The following SYNE2 variants were observed in gnomAD, a reference collection of about 807,000 sequenced individuals.
SYNE2 encodes nesprin-2.
SYNE2 carries 431 observed loss-of-function variants against 856.3 expected under a neutral mutation model. That is an observed-to-expected ratio of 0.50 (90% CI 0.47 to 0.55). The LOEUF (loss-of-function observed/expected upper bound fraction) is 0.55, where lower values mean the gene tolerates loss of function less well. Among genes scored for constraint, SYNE2 ranks in the 20% least tolerant of loss-of-function variants. SYNE2 has a pLI of 0.00. For missense variants in SYNE2, 8,129 were observed against 8,023.2 expected (o/e 1.01, Z -0.50); for synonymous variants, 2,923 against 2,872.3 (o/e 1.02, Z -0.56).
At chr14:64,214,046 A>C in intron 105 of SYNE2, 148 bp from the exon 106 acceptor site, 1 of 1,184,502 alleles carries the variant, frequency 8.4e-7, no homozygotes, top group Non-Finnish European at 1.2e-6. Flanking sequence ...CAGAAACAGG[A>C]CCTGGGAACC....
At chr14:63,838,096 A>G (rs1416921799) in intron 1 of SYNE2, among the ~76,000 whole-genome samples, 1 of 151,454 alleles carries the variant, frequency 6.6e-6, no homozygotes, top group African/African-American at 2.4e-5. Flanking sequence ...AGGGCTGGGC[A>G]CAGTGGCTGA....
rs182777207 is a variant in SYNE2 at position 64,017,283 on chromosome 14, C to T, written c.4888-312C>T. On this transcript the variant is annotated intron_variant, in intron 33 of 115. Coordinates refer to ENST00000555002, the MANE Select transcript of SYNE2 (RefSeq NM_182914.3). ...GGCGGAGCTTGCAGTGAGCCGAGTT[C>T]GCACCACTGCACTCCAGCCTGGGCG... Among the ~76,000 whole-genome samples, 824 of 130,156 alleles carry T rather than the reference C, an allele frequency of 6.3e-3. 12 individuals are homozygous for T. The highest frequency in any genetic ancestry group is 0.023 in the African/African-American group (802 of 34,772). 85.4% of individuals were successfully genotyped at this position (130,156 alleles called of 152,430 possible).
intron 1 of SYNE2, among the ~76,000 whole-genome samples, chr14:63,834,228 G>A (rs1212708771): frequency 1.3e-5 from 2 of 151,818 alleles, no homozygotes; most frequent in South Asian, 2.1e-4. Flanking sequence ...CCAGGTGTGG[G>A]GGCACATACC....
chr14:63,774,749 T>G (rs898449211), intron 1 of SYNE2, among the ~76,000 whole-genome samples: 1 of 151,916 alleles, frequency 6.6e-6, no homozygotes, highest in Non-Finnish European at 1.5e-5. Context: ...AGGTAGAATT[T>G]AAATTATTGT....
chr14:64,076,479 G>A (rs1253851783), intron 54 of SYNE2, among the ~76,000 whole-genome samples: 1 of 151,984 alleles, frequency 6.6e-6, no homozygotes, highest in African/African-American at 2.4e-5. Context: ...TTACAACTAA[G>A]GCAATAAGAA....
At chr14:64,048,256 T>G in intron 46 of SYNE2, 101 bp downstream of exon 46, 1 of 1,164,202 alleles carries the variant, frequency 8.6e-7, no homozygotes, top group Non-Finnish European at 1.2e-6. Context: ...GAGTGAAAAG[T>G]CTTATTTAAC....
intron 18 of SYNE2, among the ~76,000 whole-genome samples, chr14:63,985,217 C>T (rs1286150638): frequency 6.6e-6 from 1 of 151,232 alleles, no homozygotes; most frequent in East Asian, 2.0e-4. Flanking sequence ...GTAATCCCAG[C>T]TTCTTGGGAG....
chr14:64,085,218 G>A (rs987638010), intron 57 of SYNE2, among the ~76,000 whole-genome samples: 5 of 152,142 alleles, frequency 3.3e-5, no homozygotes, highest in South Asian at 2.1e-4. Flanking sequence ...GACTACAGGC[G>A]CACACAACCA....
intron 57 of SYNE2, among the ~76,000 whole-genome samples, chr14:64,082,695 C>T (rs2097533686): frequency 6.6e-6 from 1 of 152,174 alleles, no homozygotes; most frequent in Admixed American, 6.5e-5. Context: ...CTCAGCTATG[C>T]CTGGACTCCT....
chr14:63,892,729 C>CTTTTTTTTTT, intron 1 of SYNE2, among the ~76,000 whole-genome samples: 1 of 130,248 alleles, frequency 7.7e-6, no homozygotes, highest in Non-Finnish European at 1.6e-5. Context: ...GGTGTACTTT[C>CTTTTTTTTTT]TTTTTTTTTT....
chr14:63,792,678 T>C (rs1887777907), intron 1 of SYNE2, among the ~76,000 whole-genome samples: 1 of 148,458 alleles, frequency 6.7e-6, no homozygotes, highest in African/African-American at 2.4e-5. Context: ...TGTTTGTTTG[T>C]TTTTTAGAGA....
At position 63,880,480 on chromosome 14, in the gene SYNE2, T is replaced by A. The variant is rs554515891; in HGVS notation, c.-52+27337T>A. Among the ~76,000 whole-genome samples, 124 of 151,844 alleles carry A rather than the reference T, an allele frequency of 8.2e-4. 1 individual carries two copies. The highest frequency in any genetic ancestry group is 1.5e-3 in the Non-Finnish European group (101 of 67,840). ...AATGCTGTAAGACTTTGAATAAGAATTCTATGTTAAGAAAAAAAGAATTCT... is the reference window on the plus strand; with the variant it reads ...AATGCTGTAAGACTTTGAATAAGAAATCTATGTTAAGAAAAAAAGAATTCT... On this transcript the variant is annotated intron_variant, in intron 1 of 115. Coordinates refer to ENST00000555002, the MANE Select transcript of SYNE2 (RefSeq NM_182914.3).
intron 1 of SYNE2, among the ~76,000 whole-genome samples, chr14:63,900,512 G>T (rs910653024): frequency 2.0e-5 from 3 of 152,066 alleles, no homozygotes; most frequent in Non-Finnish European, 4.4e-5. Context: ...TGAGAACAGT[G>T]CAGGAAAGAC....
intron 2 of SYNE2, among the ~76,000 whole-genome samples, chr14:63,927,074 G>A (rs2153389039): frequency 6.6e-6 from 1 of 152,350 alleles, no homozygotes; most frequent in East Asian, 1.9e-4. Flanking sequence ...TGAGGCTAGA[G>A]AGGTGCTCTG....
At chr14:64,064,617 A>G (rs1336410398) in intron 50 of SYNE2, among the ~76,000 whole-genome samples, 1 of 147,158 alleles carries the variant, frequency 6.8e-6, no homozygotes, top group Non-Finnish European at 1.5e-5. Context: ...ACAATGGTGC[A>G]ATCATGGCTT....
intron 1 of SYNE2, among the ~76,000 whole-genome samples, chr14:63,773,275 C>T (rs1886988685): frequency 6.6e-6 from 1 of 152,104 alleles, no homozygotes; most frequent in African/African-American, 2.4e-5. Flanking sequence ...TCACGGCTCA[C>T]TGCAGTCTCA....
intron 99 of SYNE2, chr14:64,202,147 T>G (rs1286879573): frequency 1.4e-5 from 10 of 701,442 alleles, no homozygotes; most frequent in Non-Finnish European, 2.3e-5. Context: ...CATTTAGAAC[T>G]GCGCTTGCGT....
chr14:64,210,543 G>A (rs1472519808), intron 103 of SYNE2, among the ~76,000 whole-genome samples: 3 of 152,210 alleles, frequency 2.0e-5, no homozygotes, highest in African/African-American at 7.2e-5. Flanking sequence ...GATGGACAAG[G>A]CACGTGAATG....
Position 64,098,828 on chromosome 14 carries a change from G to C in SYNE2, c.12381+7G>C. The C allele has an allele frequency of 6.2e-7, 1 of 1,613,732 alleles. No individual in the cohort carries two copies. The highest frequency in any genetic ancestry group is 1.1e-5 in the South Asian group (1 of 90,944). ...AAGTTCCGTGAAGAGCGATGTAAGGGAAATGATTTTCTTGTTAAAGTTTGT... is the reference window on the plus strand; with the variant it reads ...AAGTTCCGTGAAGAGCGATGTAAGGCAAATGATTTTCTTGTTAAAGTTTGT... On this transcript the variant is annotated splice_region_variant and intron_variant, in intron 63 of 115. Transcript: ENST00000555002.
Sources: allele counts gnomAD v4.1 joint callset (sites outside exome capture counted in the v4.1 genomes callset), GRCh38; gene constraint gnomAD v4.1.1; transcripts MANE v1.5; gene names NCBI Gene and HGNC (gene_info 2026-07-23, HGNC 2026-07-21).